Variants in GABPB1 observed in about 807,000 individuals in gnomAD.
The protein encoded by GABPB1 is GA binding protein transcription factor subunit beta 1, also known as GA-binding protein subunit beta-1.
GABPB1 carries 15 observed loss-of-function variants against 45.9 expected under a neutral mutation model. The ratio of observed to expected loss-of-function variants is 0.33; its 90% CI spans 0.22 to 0.50. The LOEUF (loss-of-function observed/expected upper bound fraction) is 0.50. GABPB1 is among the 20% of genes least tolerant of loss of function. The pLI, the probability that GABPB1 is intolerant of heterozygous loss-of-function variation, is 0.98. For missense variants in GABPB1, 252 were observed against 457.5 expected (o/e 0.55, Z 4.10); for synonymous variants, 143 against 154.4 (o/e 0.93, Z 0.55).
intron 1 of GABPB1, among the ~76,000 whole-genome samples, chr15:50,324,649 A>G (rs1353108557): frequency 6.6e-6 from 1 of 150,952 alleles, no homozygotes; most frequent in Non-Finnish European, 1.5e-5. Context: ...AGTTCAAGCA[A>G]TTCCCCTGCC....
chr15:50,322,514 C>A (rs1344590598), intron 1 of GABPB1, among the ~76,000 whole-genome samples: 1 of 151,918 alleles, frequency 6.6e-6, no homozygotes, highest in Non-Finnish European at 1.5e-5. Flanking sequence ...CCACTGCACT[C>A]CAGCTTGGGT....
chr15:50,289,476 T>C lies in GABPB1; in HGVS notation c.883+7A>G, dbSNP rs149485209. 7.1e-4 allele frequency: 1,120 copies of C among 1,578,768 alleles called. 5 individuals are homozygous for C. In the African/African-American group the frequency reaches 0.014, roughly 19 times the overall value. The stretch of plus-strand genomic sequence containing the variant: ...ATACAAACTTTATATAAATGTCTAC[T>C]ACTAACCTTGTTGTCCATCTGGCAT... On this transcript the variant is annotated splice_region_variant and intron_variant, in intron 7 of 8. Transcript: ENST00000380877.
In GABPB1 at chr15:50,303,067, G is replaced by T. The variant is rs772726275; in HGVS notation, c.333C>A (p.Ala111=). 2.5e-6 allele frequency: 4 copies of T among 1,613,738 alleles called. No homozygotes were observed. The highest frequency in any genetic ancestry group is 3.4e-6 in the Non-Finnish European group (4 of 1,179,920). Residue 111 remains alanine, a synonymous_variant, in exon 4 of 9, where the codon GCC becomes GCA. Coordinates refer to ENST00000380877, the MANE Select transcript of GABPB1 (RefSeq NM_016654.5). ...DMLKMTALHW[A]TEHNHQEVVE... Reference sequence around the variant, plus strand: ...CCACCTCTTGATGATTGTGTTCTGTGGCCCAATGGAGAGCTGTCATCTTTA... The same window carrying T: ...CCACCTCTTGATGATTGTGTTCTGTTGCCCAATGGAGAGCTGTCATCTTTA...
At chr15:50,299,847 C>CA (rs1227672850) in intron 6 of GABPB1, among the ~76,000 whole-genome samples, 1 of 151,580 alleles carries the variant, frequency 6.6e-6, no homozygotes, top group African/African-American at 2.4e-5. Context: ...GGCAGGGTCT[C>CA]ATTCAGTCGC....
intron 1 of GABPB1, among the ~76,000 whole-genome samples, chr15:50,337,611 A>G (rs1322804512): frequency 2.0e-5 from 3 of 151,802 alleles, no homozygotes. Context: ...CAAAAAATAC[A>G]AAAAATTAGC....
chr15:50,281,165 A>G lies in GABPB1; in HGVS notation c.1000-2381T>C, dbSNP rs140906614. On this transcript the variant is annotated intron_variant, in intron 8 of 8. Coordinates refer to ENST00000380877, the MANE Select transcript of GABPB1 (RefSeq NM_016654.5). ...AGAAGACAAAGATCATTAGCACTGC[A>G]TGCTGAATACATTTAATCTTTAAGA... 5.4e-3 allele frequency among the ~76,000 whole-genome samples: 821 copies of G among 152,354 alleles called. 4 individuals carry two copies. Among genetic ancestry groups the G allele is most frequent in the Non-Finnish European group, 9.0e-3 (609 of 68,028 alleles).
At chr15:50,313,615 G>C (rs2047204910) in intron 1 of GABPB1, among the ~76,000 whole-genome samples, 2 of 151,856 alleles carry the variant, frequency 1.3e-5, no homozygotes, top group Admixed American at 6.6e-5. Flanking sequence ...GAAAATGATT[G>C]AATTGTAGAA....
At chr15:50,285,030 A>C (rs1040799142) in intron 8 of GABPB1, among the ~76,000 whole-genome samples, 1 of 152,184 alleles carries the variant, frequency 6.6e-6, no homozygotes, top group Non-Finnish European at 1.5e-5. Context: ...TACCAGTCTT[A>C]TATTTACATG....
chr15:50,344,296 CA>C (rs1370498171), intron 1 of GABPB1, among the ~76,000 whole-genome samples: 7 of 152,124 alleles, frequency 4.6e-5, no homozygotes, highest in African/African-American at 1.7e-4. Flanking sequence ...GGGAGTCATT[CA>C]AATTTTTGAG....
intron 1 of GABPB1, among the ~76,000 whole-genome samples, chr15:50,341,482 G>A (rs542811779): frequency 7.2e-5 from 11 of 151,900 alleles, no homozygotes; most frequent in South Asian, 6.3e-4. Context: ...GCAGTGAGCC[G>A]AGATCGCGCC....
chr15:50,337,855 C>A (rs2048202896), intron 1 of GABPB1, among the ~76,000 whole-genome samples: 1 of 152,124 alleles, frequency 6.6e-6, no homozygotes, highest in African/African-American at 2.4e-5. Flanking sequence ...CAGAAAAAAA[C>A]TACTACATTT....
At position 50,276,498 on chromosome 15, in the gene GABPB1, T is replaced by A. The variant is rs1047892564; in HGVS notation, c.*2134A>T. On this transcript the variant is annotated 3_prime_UTR_variant, in exon 9 of 9. Transcript: ENST00000380877. Reference sequence around the variant, plus strand: ...ACAGATACCTGAGTACCTGATGCTATCATAGACTTACTCCTTTTAAGCACC... The same window carrying A: ...ACAGATACCTGAGTACCTGATGCTAACATAGACTTACTCCTTTTAAGCACC... 1.8e-4 allele frequency: 28 copies of A among 152,248 alleles called. No homozygotes were observed. Among genetic ancestry groups the A allele is most frequent in the African/African-American group, 6.8e-4 (28 of 41,470 alleles). 9.4% of individuals were successfully genotyped at this position (152,248 alleles called of 1,614,324 possible). A position where few individuals can be genotyped will look rare whatever the true frequency, so the allele number is the denominator to read the frequency against.
At chr15:50,310,275 T>C (rs2047085772) in intron 1 of GABPB1, among the ~76,000 whole-genome samples, 1 of 152,226 alleles carries the variant, frequency 6.6e-6, no homozygotes, top group Admixed American at 6.5e-5. Context: ...CTATTTTCAG[T>C]AGAGACAGGG....
intron 1 of GABPB1, among the ~76,000 whole-genome samples, chr15:50,339,620 A>C (rs1031400801): frequency 6.6e-6 from 1 of 152,164 alleles, no homozygotes; most frequent in African/African-American, 2.4e-5. Context: ...ATCTGTGCTT[A>C]TCAGTGTCCC....
chr15:50,295,832 A>T (rs1361493788), intron 6 of GABPB1, among the ~76,000 whole-genome samples: 1 of 151,570 alleles, frequency 6.6e-6, no homozygotes, highest in African/African-American at 2.4e-5. Context: ...ACAGTAATTC[A>T]ATGAGCTATT....
At chr15:50,295,440 C>T (rs2141003843) in intron 6 of GABPB1, among the ~76,000 whole-genome samples, 1 of 152,280 alleles carries the variant, frequency 6.6e-6, no homozygotes, top group East Asian at 1.9e-4. Context: ...CTTTTCCCTA[C>T]TAACGCCTAC....
chr15:50,292,507 C>T (rs533036761), intron 6 of GABPB1, among the ~76,000 whole-genome samples: 89 of 152,034 alleles, frequency 5.9e-4, no homozygotes, highest in Admixed American at 2.4e-3. Context: ...TGAAAAGACC[C>T]GGCAGTCATC....
chr15:50,283,731 C>T (rs369685509), intron 8 of GABPB1, among the ~76,000 whole-genome samples: 5 of 152,046 alleles, frequency 3.3e-5, no homozygotes, highest in Admixed American at 1.3e-4. Context: ...AGGCTGGTCT[C>T]GAACTCCTGA....
rs192836786 is a variant in GABPB1, at chr15:50,300,960, T to C, written c.584-58A>G. ...TAAGGAGCTTAATCCAATGCATATT[T>C]CTGATATTCTATTTATCTTACTGAC... On this transcript the variant is annotated intron_variant, in intron 5 of 8. Coordinates refer to ENST00000380877, the MANE Select transcript of GABPB1 (RefSeq NM_016654.5). The C allele has an allele frequency of 3.6e-5, 38 of 1,057,156 alleles. No homozygotes were observed. The African/African-American group carries it at 5.0e-4, about 14-fold the overall frequency. 65.5% of individuals were successfully genotyped at this position (1,057,156 alleles called of 1,614,324 possible).
Sources: allele counts gnomAD v4.1 joint callset (sites outside exome capture counted in the v4.1 genomes callset), GRCh38; gene constraint gnomAD v4.1.1; transcripts MANE v1.5; gene names NCBI Gene and HGNC (gene_info 2026-07-23, HGNC 2026-07-21).